Variants in UST observed in about 807,000 individuals in gnomAD.
UST encodes the protein chondroitin sulfate 2-O-sulfotransferase.
In UST, 21 loss-of-function variants were observed where a neutral mutation model predicts 45.6. The ratio of observed to expected loss-of-function variants is 0.46; its 90% CI spans 0.33 to 0.66. The LOEUF (loss-of-function observed/expected upper bound fraction) is 0.66. UST is among the 30% of genes least tolerant of loss of function. The pLI is 0.02. For missense variants in UST, 463 were observed against 512.4 expected (o/e 0.90, Z 0.93); for synonymous variants, 215 against 200.6 (o/e 1.07, Z -0.61).
At position 148,771,141 on chromosome 6, in the gene UST, A is replaced by C. The variant is rs75338728; in HGVS notation, c.247+23464A>C. 7.5e-3 allele frequency among the ~76,000 whole-genome samples: 938 copies of C among 124,430 alleles called. 3 individuals are homozygous for C. Among genetic ancestry groups the C allele is most frequent in the Non-Finnish European group, 0.012 (682 of 57,144 alleles). The allele number at this position is 124,430 out of a possible 152,430, so 81.6% of individuals were successfully genotyped here. A position where few individuals can be genotyped will look rare whatever the true frequency, so the allele number is the denominator to read the frequency against. On this transcript the variant is annotated intron_variant, in intron 1 of 7. Transcript: ENST00000367463. ...TCCAGTGTGCTTTTATTAGGATAGG[A>C]TATAACATATCTTAATTTATGTTTC... is the stretch of plus-strand genomic sequence containing the variant.
chr6:148,896,459 C>T (rs951533017), intron 2 of UST, among the ~76,000 whole-genome samples: 3 of 152,126 alleles, frequency 2.0e-5, no homozygotes, highest in African/African-American at 4.8e-5. Context: ...AGAGGGTGCC[C>T]CTGGTTCCAC....
At chr6:149,048,704 A>G (rs1776429934) in intron 7 of UST, among the ~76,000 whole-genome samples, 1 of 152,248 alleles carries the variant, frequency 6.6e-6, no homozygotes, top group African/African-American at 2.4e-5. Context: ...TAAGAAAATC[A>G]CTAACAGAAA....
At chr6:149,026,860 C>T (rs1776057582) in intron 7 of UST, among the ~76,000 whole-genome samples, 2 of 152,110 alleles carry the variant, frequency 1.3e-5, no homozygotes, top group South Asian at 4.1e-4. Flanking sequence ...AACACTGGAG[C>T]CACAGTAGGG....
chr6:148,936,833 C>G (rs1780036145), intron 2 of UST, among the ~76,000 whole-genome samples: 1 of 151,934 alleles, frequency 6.6e-6, no homozygotes, highest in Admixed American at 6.6e-5. Flanking sequence ...GTAGCTGGGA[C>G]TACAGGCACC....
chr6:148,798,980 C>T (rs957323964), intron 1 of UST, among the ~76,000 whole-genome samples: 6 of 152,144 alleles, frequency 3.9e-5, no homozygotes, highest in African/African-American at 1.4e-4. Flanking sequence ...AGCGATTCTC[C>T]TGCGTTGGCT....
rs1233814174 is a variant in UST, at chr6:149,057,647, G to T, written c.938-16186G>T. 3.9e-5 allele frequency among the ~76,000 whole-genome samples: 6 copies of T among 152,136 alleles called. 1 individual carries two copies. In the South Asian group the frequency reaches 1.2e-3, roughly 31 times the overall value. ...CCCAATCATCTAACAGTAGCAGATG[G>T]TTATATGACCTTTAAGGCATCTATA... On this transcript the variant is annotated intron_variant, in intron 7 of 7. Coordinates refer to ENST00000367463, the MANE Select transcript of UST (RefSeq NM_005715.3).
intron 3 of UST, among the ~76,000 whole-genome samples, chr6:148,952,879 G>A (rs1780394757): frequency 6.6e-6 from 1 of 152,146 alleles, no homozygotes. Context: ...GGAAAGAGAA[G>A]TTCAGAAAGT....
intron 3 of UST, among the ~76,000 whole-genome samples, chr6:148,945,510 G>A (rs1329984549): frequency 6.6e-6 from 1 of 152,098 alleles, no homozygotes; most frequent in Non-Finnish European, 1.5e-5. Context: ...ATGCAGCCAG[G>A]GTTAAGAAGC....
At chr6:148,836,363 C>T (rs1383089527) in intron 1 of UST, among the ~76,000 whole-genome samples, 1 of 152,220 alleles carries the variant, frequency 6.6e-6, no homozygotes, top group East Asian at 1.9e-4. Context: ...CGTGTGTTAA[C>T]TCCATCTCAC....
At chr6:148,802,954 A>C (rs1016003959) in intron 1 of UST, among the ~76,000 whole-genome samples, 1 of 152,220 alleles carries the variant, frequency 6.6e-6, no homozygotes, top group Non-Finnish European at 1.5e-5. Flanking sequence ...ATTGTCTTCT[A>C]CAAGGCTCTG....
chr6:148,825,768 C>T (rs1301800610), intron 1 of UST, among the ~76,000 whole-genome samples: 1 of 152,214 alleles, frequency 6.6e-6, no homozygotes, highest in African/African-American at 2.4e-5. Flanking sequence ...AGAGAGTGAC[C>T]AGCTTCTCCA....
intron 5 of UST, among the ~76,000 whole-genome samples, chr6:148,988,388 A>C (rs576534338): frequency 1.3e-5 from 2 of 152,142 alleles, no homozygotes; most frequent in East Asian, 3.9e-4. Flanking sequence ...AGCCTGGCTA[A>C]CATGACGAAA....
chr6:148,989,542 C>A (rs1025260333), intron 5 of UST, among the ~76,000 whole-genome samples: 1 of 152,142 alleles, frequency 6.6e-6, no homozygotes, highest in Non-Finnish European at 1.5e-5. Flanking sequence ...AAACTGAAAA[C>A]AAACTTGGAT....
At chr6:149,059,413 A>C (rs1776620459) in intron 7 of UST, among the ~76,000 whole-genome samples, 1 of 152,240 alleles carries the variant, frequency 6.6e-6, no homozygotes, top group Non-Finnish European at 1.5e-5. Flanking sequence ...AAAGGTGGAC[A>C]TCTGCGGCCA....
intron 2 of UST, among the ~76,000 whole-genome samples, chr6:148,937,864 A>G (rs1435895208): frequency 6.6e-6 from 1 of 152,244 alleles, no homozygotes; most frequent in Non-Finnish European, 1.5e-5. Flanking sequence ...TGTCGTAGCC[A>G]TAATTTCATA....
At chr6:148,842,801 T>G (rs1777913996) in intron 1 of UST, among the ~76,000 whole-genome samples, 1 of 152,220 alleles carries the variant, frequency 6.6e-6, no homozygotes, top group Admixed American at 6.5e-5. Flanking sequence ...TCTGTATATT[T>G]TAAGAGGTTT....
intron 1 of UST, among the ~76,000 whole-genome samples, chr6:148,816,447 G>C (rs1223749542): frequency 6.6e-6 from 1 of 152,242 alleles, no homozygotes; most frequent in Non-Finnish European, 1.5e-5. Context: ...ACTGAAAGGA[G>C]AGACAGGATA....
chr6:148,749,035 A>G (rs1392868691), intron 1 of UST, among the ~76,000 whole-genome samples: 1 of 152,202 alleles, frequency 6.6e-6, no homozygotes, highest in Non-Finnish European at 1.5e-5. Context: ...ATGTGGATAA[A>G]ATAATATTCT....
intron 7 of UST, among the ~76,000 whole-genome samples, chr6:149,023,399 A>G (rs756359200): frequency 2.5e-4 from 38 of 152,182 alleles, no homozygotes; most frequent in Non-Finnish European, 5.1e-4. Context: ...AGCAGCTACT[A>G]TGACCCCAGT....
Sources: gnomAD v4.1 joint callset for allele counts (sites outside exome capture counted in the v4.1 genomes callset) on GRCh38, gnomAD v4.1.1 for gene constraint, MANE v1.5 for transcripts, NCBI Gene and HGNC (gene_info 2026-07-23, HGNC 2026-07-21) for gene names.